The following FHAD1 variants were observed in gnomAD, a reference collection of about 807,000 sequenced individuals.
FHAD1 encodes the protein forkhead-associated domain-containing protein 1.
Under a neutral mutation model 191.3 loss-of-function variants are expected in FHAD1, and 146 were observed. The observed-to-expected ratio is 0.76, with a 90% confidence interval of 0.67 to 0.88. The LOEUF is 0.88. Among genes scored for constraint, FHAD1 ranks in the 40% least tolerant of loss-of-function variants. FHAD1 has a pLI of 0.00. For synonymous variants in FHAD1, 616 were observed against 672.3 expected, an observed-to-expected ratio of 0.92 and a Z score of 1.29; for missense variants, 1,635 against 1,785.8, an observed-to-expected ratio of 0.92 and a Z score of 1.52.
intron 14 of FHAD1, 74 bp from the exon 15 acceptor site, chr1:15,339,407 T>C (rs954848021): frequency 6.3e-6 from 4 of 635,604 alleles, no homozygotes; most frequent in Non-Finnish European, 9.8e-6. Context: ...ATGGCAACGT[T>C]GCTTTCATCC....
At chr1:15,334,355 T>G (rs1322276644) in intron 14 of FHAD1, 1 of 150,828 alleles carries the variant, frequency 6.6e-6, no homozygotes, top group Non-Finnish European at 1.5e-5. Context: ...GAATGGGTGC[T>G]GTCATCGGCT....
intron 2 of FHAD1, among the ~76,000 whole-genome samples, chr1:15,267,367 G>A (rs1006498818): frequency 2.6e-5 from 4 of 152,104 alleles, no homozygotes; most frequent in African/African-American, 9.7e-5. Context: ...ATATTTTGTT[G>A]AAGACTTCAC....
chr1:15,279,892 CAAA>C (rs948361312), intron 3 of FHAD1, among the ~76,000 whole-genome samples: 2 of 150,492 alleles, frequency 1.3e-5, no homozygotes, highest in Non-Finnish European at 3.0e-5. Context: ...GGAGGAAAAA[CAAA>C]AAAAAAGCCC....
At chr1:15,295,293 G>T (rs1666557310) in intron 4 of FHAD1, among the ~76,000 whole-genome samples, 1 of 152,066 alleles carries the variant, frequency 6.6e-6, no homozygotes, top group African/African-American at 2.4e-5. Context: ...TTGTTGTATT[G>T]TTATTTTTTA....
Position 15,329,775 on chromosome 1 carries a change from G to A in FHAD1, c.1906+234G>A. 2.0e-6 allele frequency: 1 copy of A among 493,242 alleles called. No individual in the cohort carries two copies. The highest frequency in any genetic ancestry group is 3.6e-6 in the Non-Finnish European group (1 of 274,838). 30.6% of individuals were successfully genotyped at this position (493,242 alleles called of 1,614,324 possible). A position where few individuals can be genotyped will look rare whatever the true frequency, so the allele number is the denominator to read the frequency against. On this transcript the variant is annotated intron_variant, in intron 14 of 33. Coordinates refer to ENST00000688493, the MANE Select transcript of FHAD1 (RefSeq NM_001391957.1). The surrounding 1 kb of genome is among the most constrained non-coding windows in gnomAD (Gnocchi z 5.0). ...AAAATGAAACAAAACAGAGGCAAAAGGAAAATTAAATCGAAATTATGCAAA... is the reference window on the plus strand; with the variant it reads ...AAAATGAAACAAAACAGAGGCAAAAAGAAAATTAAATCGAAATTATGCAAA...
Position 15,311,798 on chromosome 1 carries a change from TA to T in FHAD1, c.1040-1257del, listed in dbSNP as rs1228533793. On this transcript the variant is annotated intron_variant, in intron 7 of 33. Transcript: ENST00000688493. This position sits in a 1 kb window ranked among gnomAD's most constrained non-coding sequence, Gnocchi z 4.1. ...AATATATTGACTATCTGCTGTCACA[TA>T]AGTTATCCCAAAAAAGCAACAAATA... Among the ~76,000 whole-genome samples, 1 of 152,236 alleles carries T rather than the reference TA, an allele frequency of 6.6e-6. No homozygotes were observed. Among genetic ancestry groups the T allele is most frequent in the Non-Finnish European group, 1.5e-5 (1 of 68,038 alleles).
At chr1:15,365,712 G>A (rs750415328) in intron 23 of FHAD1, 115 bp from the exon 24 acceptor site, 36 of 656,852 alleles carry the variant, frequency 5.5e-5, no homozygotes, top group South Asian at 9.4e-5. Context: ...TGGGACTGGC[G>A]TTGCATGGAC....
At chr1:15,262,880 C>T (rs1343092241) in intron 2 of FHAD1, among the ~76,000 whole-genome samples, 1 of 152,218 alleles carries the variant, frequency 6.6e-6, no homozygotes, top group African/African-American at 2.4e-5. Context: ...TGAGGAACCA[C>T]AATATTGTTT....
At chr1:15,287,546 A>G (rs140566899) in intron 3 of FHAD1, among the ~76,000 whole-genome samples, 1 of 152,298 alleles carries the variant, frequency 6.6e-6, no homozygotes, top group Admixed American at 6.5e-5. Context: ...GAAGTCACTC[A>G]TTATCACGAG....
downstream of FHAD1, chr1:15,400,066 T>C (rs1463009125): frequency 6.6e-6 from 1 of 152,238 alleles, no homozygotes; most frequent in African/African-American, 2.4e-5. Context: ...GGTACCTTTG[T>C]CTTGTCTCCT....
intron 14 of FHAD1, among the ~76,000 whole-genome samples, chr1:15,333,489 T>G (rs1330040862): frequency 3.3e-5 from 5 of 152,236 alleles, no homozygotes; most frequent in African/African-American, 9.6e-5. Context: ...ATCCTCACAG[T>G]AATTCTATGA....
chr1:15,375,268 C>T (rs115243436), intron 27 of FHAD1, among the ~76,000 whole-genome samples: 1,744 of 152,292 alleles, frequency 0.011, 11 homozygotes, highest in Middle Eastern at 0.068. Flanking sequence ...GGGTAGAACT[C>T]CCCTAAGACT....
At chr1:15,373,737 T>C (rs1025596803) in intron 26 of FHAD1, among the ~76,000 whole-genome samples, 1 of 152,124 alleles carries the variant, frequency 6.6e-6, no homozygotes, top group African/African-American at 2.4e-5. Context: ...ACACTTGTAG[T>C]TCCAGCTGCA....
chr1:15,363,086 T>C (rs1213047747), intron 23 of FHAD1, among the ~76,000 whole-genome samples: 1 of 152,180 alleles, frequency 6.6e-6, no homozygotes, highest in Non-Finnish European at 1.5e-5. Context: ...AGAAAAGAGA[T>C]TCATTTCTTA....
chr1:15,365,971 C>A, intron 24 of FHAD1, 38 bp downstream of exon 24: 1 of 1,381,976 alleles, frequency 7.2e-7, no homozygotes, highest in African/African-American at 1.4e-5. Flanking sequence ...CCTCCTGACC[C>A]ACTCGAGAAA....
At chr1:15,268,449 T>C (rs1476783278) in intron 2 of FHAD1, among the ~76,000 whole-genome samples, 1 of 141,800 alleles carries the variant, frequency 7.1e-6, no homozygotes, top group Non-Finnish European at 1.5e-5. Context: ...AGTGCTGCAA[T>C]AAACATACGT....
chr1:15,348,987 G>A (rs1689886645), intron 18 of FHAD1, 55 bp from the exon 19 acceptor site: 1 of 1,026,720 alleles, frequency 9.7e-7, no homozygotes, highest in Non-Finnish European at 1.5e-6. Flanking sequence ...ATCATTACTA[G>A]CAATTTCCCC....
At position 15,327,138 on chromosome 1, in the gene FHAD1, A is replaced by T; in HGVS notation, c.1553A>T (p.Gln518Leu). The change falls in exon 12 of 34, where the codon CAA becomes CTA. Residue 518 changes from glutamine (Q) to leucine (L), a missense_variant. By Grantham distance (113) the Gln-to-Leu change is moderately radical (BLOSUM62 -2). Coordinates refer to ENST00000688493, the MANE Select transcript of FHAD1 (RefSeq NM_001391957.1). The surrounding 1 kb of genome is among the most constrained non-coding windows in gnomAD (Gnocchi z 5.1). ...TTCCGGGACAAGCCCGTCACCGACC[A>T]ACAGGTTAGTCTGCCGTCCCTGCCA... ...KPFRDKPVTD[Q>L]QLIEKITQVT... is the part of the protein sequence containing the mutation. The T allele has an allele frequency of 1.3e-6, 2 of 1,550,644 alleles. No individual in the cohort carries two copies. Among genetic ancestry groups the T allele is most frequent in the Non-Finnish European group, 1.7e-6 (2 of 1,146,238 alleles).
At chr1:15,365,730 G>A in intron 23 of FHAD1, 97 bp from the exon 24 acceptor site, 1 of 690,372 alleles carries the variant, frequency 1.4e-6, no homozygotes, top group Non-Finnish European at 2.5e-6. Context: ...GACCGTGATT[G>A]AGAATCTCTT....
Sources: allele counts gnomAD v4.1 joint callset (sites outside exome capture counted in the v4.1 genomes callset), GRCh38; gene constraint gnomAD v4.1.1; non-coding constraint Gnocchi (gnomAD v3.1); transcripts MANE v1.5; gene names NCBI Gene and HGNC (gene_info 2026-07-23, HGNC 2026-07-21).